The following HELZ variants were observed in gnomAD, a reference collection of about 807,000 sequenced individuals.
HELZ encodes helicase with zinc finger.
In HELZ, 23 loss-of-function variants were observed where a neutral mutation model predicts 218.2. That is an observed-to-expected ratio of 0.11 (90% CI 0.08 to 0.15). The LOEUF is 0.15. HELZ is among the 10% of genes least tolerant of loss of function. HELZ has a pLI of 1.00. For missense variants in HELZ, 1,813 were observed against 2,353.7 expected, an observed-to-expected ratio of 0.77 and a Z score of 4.75; for synonymous variants, 814 against 829.4, an observed-to-expected ratio of 0.98 and a Z score of 0.32.
intron 15 of HELZ, among the ~76,000 whole-genome samples, chr17:67,161,760 C>T (rs1052104736): frequency 4.6e-5 from 7 of 152,254 alleles, no homozygotes; most frequent in African/African-American, 9.6e-5. Flanking sequence ...GCACAGATGG[C>T]TACTGTAATG....
At chr17:67,160,487 T>C (rs1316600506) in intron 16 of HELZ, 125 bp from the exon 17 acceptor site, 2 of 631,626 alleles carry the variant, frequency 3.2e-6, no homozygotes, top group Non-Finnish European at 5.5e-6. Flanking sequence ...TACTCAGTAA[T>C]CCCTAGCATT....
At position 67,123,015 on chromosome 17, in the gene HELZ, T is replaced by C. The variant is rs1284689975; in HGVS notation, c.3585A>G (p.Val1195=). 1.2e-6 allele frequency: 2 copies of C among 1,613,702 alleles called. No homozygotes were observed. The highest frequency in any genetic ancestry group is 1.3e-5 in the African/African-American group (1 of 75,038). ...DPHTGTSILY[V]PAVYGGNVVM... ...CTACATTCCCTCCATAGACAGCAGG[T>C]ACATAAAGAATACTTGTCCCAGTGT... is the stretch of plus-strand genomic sequence containing the variant. The change falls in exon 26 of 33, where the codon GTA becomes GTG. Residue 1195 remains valine, a synonymous_variant. Transcript: ENST00000358691.
intron 9 of HELZ, among the ~76,000 whole-genome samples, chr17:67,193,465 C>T (rs1344706078): frequency 6.6e-6 from 1 of 152,028 alleles, no homozygotes; most frequent in Non-Finnish European, 1.5e-5. Flanking sequence ...CGCCTCTAAT[C>T]CCAGCACTTT....
At chr17:67,125,319 T>C (rs1470974878) in intron 24 of HELZ, among the ~76,000 whole-genome samples, 1 of 39,156 alleles carries the variant, frequency 2.6e-5, no homozygotes, top group African/African-American at 6.7e-5. Flanking sequence ...TATATATATA[T>C]ATATATATAT....
chr17:67,160,122 T>C, intron 17 of HELZ, 139 bp downstream of exon 17: 1 of 593,694 alleles, frequency 1.7e-6, no homozygotes, highest in Non-Finnish European at 3.0e-6. Context: ...ATTTAAACAG[T>C]TTCTTCAAAA....
intron 22 of HELZ, among the ~76,000 whole-genome samples, chr17:67,136,403 T>G (rs141218195): frequency 0.011 from 1,668 of 152,298 alleles, 18 homozygotes; most frequent in South Asian, 0.018. Context: ...CTTCAAAAAT[T>G]TAGGCAGAGA....
At chr17:67,122,372 C>T (rs939081851) in intron 26 of HELZ, among the ~76,000 whole-genome samples, 1 of 152,110 alleles carries the variant, frequency 6.6e-6, no homozygotes, top group African/African-American at 2.4e-5. Flanking sequence ...GGTGAAACCC[C>T]GCGTCTACTA....
At chr17:67,089,911 T>C (rs974668119) in intron 31 of HELZ, among the ~76,000 whole-genome samples, 1 of 151,856 alleles carries the variant, frequency 6.6e-6, no homozygotes, top group African/African-American at 2.4e-5. Flanking sequence ...TGCCATTTAT[T>C]TTCTTGCCTT....
chr17:67,235,154 A>C (rs1415978938), intron 3 of HELZ, among the ~76,000 whole-genome samples: 1 of 152,110 alleles, frequency 6.6e-6, no homozygotes, highest in African/African-American at 2.4e-5. Context: ...GTATGCCCTG[A>C]ATGAGTTAAA....
At chr17:67,215,782 C>T in intron 5 of HELZ, 117 bp downstream of exon 5, 3 of 717,978 alleles carry the variant, frequency 4.2e-6, no homozygotes, top group Non-Finnish European at 5.0e-6. Context: ...AGTCACTAGC[C>T]ACCACAGTAA....
At position 67,188,413 on chromosome 17, in the gene HELZ, T is replaced by A; in HGVS notation, c.1068A>T (p.Glu356Asp). ...TGGTTTGGCGAAAAGTTCCAAATAT[T>A]TCTGTGTTAAATGCTATCCCGACTT... ...VYKVGIAFNT[E>D]IFGTFRQTIV... Residue 356 changes from glutamate to aspartate, a missense_variant, in exon 12 of 33, where the codon GAA (glutamate) becomes GAT (aspartate). By Grantham distance (45) the Glu-to-Asp change is conservative. This residue lies in a region of HELZ where 714 missense variants were observed against 1,029.2 expected (regional missense o/e 0.69). Coordinates refer to ENST00000358691, the MANE Select transcript of HELZ (RefSeq NM_014877.4). The surrounding 1 kb of genome is among the most constrained non-coding windows in gnomAD (Gnocchi z 4.1). 6.2e-7 allele frequency: 1 copy of A among 1,613,930 alleles called. No homozygotes were observed. The highest frequency in any genetic ancestry group is 1.3e-5 in the African/African-American group (1 of 75,018).
chr17:67,204,240 T>G (rs59842877), intron 5 of HELZ, among the ~76,000 whole-genome samples: 476 of 152,334 alleles, frequency 3.1e-3, no homozygotes, highest in African/African-American at 0.011. Flanking sequence ...ATACCATATA[T>G]ATAAAGTCCA....
chr17:67,160,777 C>CT, intron 16 of HELZ, 120 bp downstream of exon 16: 3 of 714,954 alleles, frequency 4.2e-6, no homozygotes, highest in Non-Finnish European at 4.3e-6. Context: ...TTCCTTTTCT[C>CT]TTTTTTTCAT....
chr17:67,167,938 G>T, intron 13 of HELZ, 142 bp from the exon 14 acceptor site: 1 of 632,540 alleles, frequency 1.6e-6, no homozygotes, highest in African/African-American at 1.9e-5. Context: ...GCTAAAAACT[G>T]TATTTTTCTG....
chr17:67,114,895 C>T (rs765800222), intron 27 of HELZ, among the ~76,000 whole-genome samples: 4 of 151,898 alleles, frequency 2.6e-5, no homozygotes, highest in Non-Finnish European at 4.4e-5. Context: ...GATATCAAAC[C>T]GTGTATAAGT....
chr17:67,088,036 T>C (rs1339842473), intron 31 of HELZ, among the ~76,000 whole-genome samples: 1 of 152,174 alleles, frequency 6.6e-6, no homozygotes, highest in Non-Finnish European at 1.5e-5. Context: ...CTTTGTAACA[T>C]GAATTACCCA....
intron 27 of HELZ, among the ~76,000 whole-genome samples, chr17:67,116,249 A>G (rs1598257185): frequency 1.3e-5 from 2 of 152,138 alleles, no homozygotes; most frequent in East Asian, 1.9e-4. Context: ...AGAGGGCAGA[A>G]TAAAAGGAGA....
intron 12 of HELZ, among the ~76,000 whole-genome samples, chr17:67,182,272 T>C (rs2039634665): frequency 6.6e-6 from 1 of 151,782 alleles, no homozygotes; most frequent in Non-Finnish European, 1.5e-5. Flanking sequence ...CGAAACCCCA[T>C]CTCTACTAAA....
In HELZ at chr17:67,074,261, AAC is replaced by A. The variant is rs1491466582; in HGVS notation, c.*3989_*3990del. On this transcript the variant is annotated 3_prime_UTR_variant, in exon 33 of 33. Transcript: ENST00000358691. ...TTGAGGAGCTGGAGGGAAAAAAAAA[AAC>A]ACAATGGCTAGCTTACATGACATTT... 5.3e-5 allele frequency: 8 copies of A among 151,772 alleles called. No homozygotes were observed. Among genetic ancestry groups the A allele is most frequent in the Admixed American group, 5.3e-4 (8 of 15,232 alleles). The allele number at this position is 151,772 out of a possible 1,614,324, so 9.4% of individuals were successfully genotyped here. A position where few individuals can be genotyped will look rare whatever the true frequency, so the allele number is the denominator to read the frequency against.
Sources: allele counts gnomAD v4.1 joint callset (sites outside exome capture counted in the v4.1 genomes callset), GRCh38; gene constraint gnomAD v4.1.1; regional missense constraint gnomAD v4.1.1; non-coding constraint Gnocchi (gnomAD v3.1); transcripts MANE v1.5; gene names NCBI Gene and HGNC (gene_info 2026-07-23, HGNC 2026-07-21).